Variants in SV2C observed in about 807,000 individuals in gnomAD.
SV2C encodes solute carrier family 22 member B3.
Under a neutral mutation model 79.7 loss-of-function variants are expected in SV2C, and 49 were observed. The observed-to-expected ratio is 0.61, with a 90% CI of 0.49 to 0.78. The LOEUF is 0.78. Ranked by LOEUF, SV2C falls within the 30% of genes least tolerant of loss-of-function variation. SV2C has a pLI of 0.00. For synonymous variants in SV2C, 334 were observed against 333.2 expected (o/e 1.00, Z -0.03); for missense variants, 833 against 912.9 (o/e 0.91, Z 1.13).
the SV2C span, among the ~76,000 whole-genome samples, chr5:75,887,783 A>G: frequency 6.6e-6 from 1 of 152,110 alleles, no homozygotes; most frequent in Admixed American, 6.6e-5. Context: ...CCCAAAAACC[A>G]AGCAACAGCA....
chr5:76,312,780 A>G (rs1205943836), intron 12 of SV2C, among the ~76,000 whole-genome samples: 2 of 152,156 alleles, frequency 1.3e-5, no homozygotes, highest in East Asian at 3.8e-4. Flanking sequence ...AGTTTCAGAC[A>G]TGAGGTCAGA....
At chr5:76,114,631 G>C (rs1748205479) in intron 1 of SV2C, among the ~76,000 whole-genome samples, 1 of 152,192 alleles carries the variant, frequency 6.6e-6, no homozygotes, top group Non-Finnish European at 1.5e-5. Flanking sequence ...GAAAAGACAG[G>C]CAGACAAGTA....
intron 1 of SV2C, among the ~76,000 whole-genome samples, chr5:76,101,423 T>G (rs1747738350): frequency 6.6e-6 from 1 of 152,192 alleles, no homozygotes; most frequent in Non-Finnish European, 1.5e-5. Context: ...CTTCATTCAT[T>G]CTGTGAAGTG....
At chr5:75,990,079 A>T in the SV2C span, among the ~76,000 whole-genome samples, 1 of 151,748 alleles carries the variant, frequency 6.6e-6, no homozygotes, top group Non-Finnish European at 1.5e-5. Context: ...TTCATTCTAC[A>T]GAATGACATA....
the SV2C span, among the ~76,000 whole-genome samples, chr5:75,961,296 T>C: frequency 1.3e-5 from 2 of 152,030 alleles, no homozygotes; most frequent in Non-Finnish European, 2.9e-5. Flanking sequence ...TACAGACACA[T>C]AATTCATAAA....
chr5:75,979,658 C>G, the SV2C span, among the ~76,000 whole-genome samples: 2 of 151,816 alleles, frequency 1.3e-5, no homozygotes, highest in East Asian at 3.9e-4. Context: ...AGGCAGAAAT[C>G]AAGAAGTTCT....
the SV2C span, among the ~76,000 whole-genome samples, chr5:76,077,886 A>G: frequency 6.6e-6 from 1 of 152,186 alleles, no homozygotes; most frequent in Non-Finnish European, 1.5e-5. Context: ...TGTTTAATAT[A>G]TGGAGCATGG....
downstream of SV2C, among the ~76,000 whole-genome samples, chr5:76,334,906 G>A (rs1266904526): frequency 6.6e-6 from 1 of 152,176 alleles, no homozygotes; most frequent in Non-Finnish European, 1.5e-5. Flanking sequence ...ACAAAATGGG[G>A]GGTTTGTAAG....
rs764161563 is a variant in SV2C at position 76,285,890 on chromosome 5, A to G, written c.1137+20A>G. On this transcript the variant is annotated intron_variant, in intron 6 of 12. Coordinates refer to ENST00000502798, the MANE Select transcript of SV2C (RefSeq NM_014979.4). ...TTCACGGTGAGTCTTCTCCCCAGAG[A>G]ATCCTCAACACCAGGGATTGGGACA... The G allele has an allele frequency of 1.2e-6, 2 of 1,600,886 alleles. No homozygotes were observed. Among genetic ancestry groups the G allele is most frequent in the South Asian group, 1.1e-5 (1 of 89,692 alleles).
intron 1 of SV2C, among the ~76,000 whole-genome samples, chr5:76,101,149 C>A (rs115994182): frequency 0.024 from 3,675 of 151,844 alleles, 161 homozygotes; most frequent in African/African-American, 0.084. Flanking sequence ...TGGGGAGTGG[C>A]GAGTGATCCT....
rs914001619 is a variant in SV2C at position 76,131,534 on chromosome 5, A to G, written c.-101-116A>G. The G allele has an allele frequency of 3.3e-4, 117 of 350,728 alleles. No individual in the cohort carries two copies. The Middle Eastern group carries it at 3.9e-3, about 12-fold the overall frequency. 21.7% of individuals were successfully genotyped at this position (350,728 alleles called of 1,614,324 possible). A position where few individuals can be genotyped will look rare whatever the true frequency, so the allele number is the denominator to read the frequency against. On this transcript the variant is annotated intron_variant, in intron 1 of 12. Coordinates refer to ENST00000502798, the MANE Select transcript of SV2C (RefSeq NM_014979.4). ...GAGATCAAAAAAAAAAAAAAAAGGA[A>G]AAACTAATTCTGTGTTGTAGTTTGT...
chr5:75,973,635 G>C, the SV2C span, among the ~76,000 whole-genome samples: 1 of 152,090 alleles, frequency 6.6e-6, no homozygotes, highest in Non-Finnish European at 1.5e-5. Flanking sequence ...TAATTACACT[G>C]TTCTGATGAT....
At position 76,131,915 on chromosome 5, in the gene SV2C, T is replaced by C. The variant is rs756980193; in HGVS notation, c.165T>C (p.Asp55=). 1.9e-6 allele frequency: 3 copies of C among 1,613,832 alleles called. No individual in the cohort carries two copies. Among genetic ancestry groups the C allele is most frequent in the African/African-American group, 1.3e-5 (1 of 74,848 alleles). Reference sequence around the variant, plus strand: ...GTCGGTTCCAAGATGAAGAAGATGATGATGACTACTACCCGGCTGGAGAAA... The same window carrying C: ...GTCGGTTCCAAGATGAAGAAGATGACGATGACTACTACCCGGCTGGAGAAA... ...SYSRFQDEED[D]DDYYPAGETY... Residue 55 remains aspartate (D), a synonymous_variant, in exon 2 of 13, where the codon GAT becomes GAC. Coordinates refer to ENST00000502798, the MANE Select transcript of SV2C (RefSeq NM_014979.4).
At chr5:76,211,229 T>C (rs780767779) in intron 4 of SV2C, among the ~76,000 whole-genome samples, 70 of 152,162 alleles carry the variant, frequency 4.6e-4, no homozygotes, top group Non-Finnish European at 8.8e-4. Flanking sequence ...TGCAGAACTT[T>C]AGAGGTGACT....
chr5:76,255,962 C>G (rs1177149318), intron 4 of SV2C, among the ~76,000 whole-genome samples: 1 of 152,202 alleles, frequency 6.6e-6, no homozygotes, highest in East Asian at 1.9e-4. Context: ...TGCCTGATGC[C>G]TTTTTAAAAA....
chr5:76,179,587 T>C (rs1180052601), intron 2 of SV2C, among the ~76,000 whole-genome samples: 1 of 152,224 alleles, frequency 6.6e-6, no homozygotes, highest in African/African-American at 2.4e-5. Context: ...TGGGTGACCT[T>C]TCCTAAAATG....
chr5:76,280,827 G>A (rs1045408212), intron 4 of SV2C: 2 of 388,494 alleles, frequency 5.1e-6, no homozygotes, highest in African/African-American at 4.2e-5. Context: ...TTTGGAGCCA[G>A]CAGTTGCAGC....
chr5:75,975,480 T>C, the SV2C span, among the ~76,000 whole-genome samples: 466 of 152,306 alleles, frequency 3.1e-3, 7 homozygotes, highest in East Asian at 0.027. Context: ...TTAGAGGATG[T>C]CTAAGACCTA....
rs1248354882 is a variant in SV2C, at chr5:76,319,825, A to G, written c.2001-5539A>G. Among the ~76,000 whole-genome samples the G allele has an allele frequency of 2.0e-5, 3 of 152,192 alleles. No homozygotes were observed. In the East Asian group the frequency reaches 5.8e-4, roughly 29 times the overall value. On this transcript the variant is annotated intron_variant, in intron 12 of 12. Coordinates refer to ENST00000502798, the MANE Select transcript of SV2C (RefSeq NM_014979.4). ...GGAAAATACGGTTATTTTAACCTAG[A>G]TGCAAATCCTATCTGGGTTACTCTG...
Sources: allele counts gnomAD v4.1 joint callset (sites outside exome capture counted in the v4.1 genomes callset), GRCh38; gene constraint gnomAD v4.1.1; transcripts MANE v1.5; gene names NCBI Gene and HGNC (gene_info 2026-07-23, HGNC 2026-07-21).